The following SPATA33 variants were observed in gnomAD, a reference collection of about 807,000 sequenced individuals.
SPATA33 encodes spermatogenesis-associated protein 33.
In SPATA33, 10 loss-of-function variants were observed where a neutral mutation model predicts 8.9. The observed-to-expected ratio is 1.12, with a 90% CI of 0.69 to 1.90. SPATA33 has a LOEUF of 1.90. Ranked by LOEUF, SPATA33 falls within the 40% of genes most tolerant of loss-of-function variation. The pLI is 0.00. For missense variants in SPATA33, 241 were observed against 178.3 expected (o/e 1.35, Z -2.00); for synonymous variants, 96 against 72.8 (o/e 1.32, Z -1.63).
chr16:89,668,578 C>T (rs564414712), intron 2 of SPATA33, among the ~76,000 whole-genome samples: 14 of 150,354 alleles, frequency 9.3e-5, no homozygotes, highest in African/African-American at 3.4e-4. Context: ...AGGAAGGGGG[C>T]GGGCGGCTGT....
chr16:89,660,423 C>G (rs1321694224), intron 2 of SPATA33: 3 of 1,218,458 alleles, frequency 2.5e-6, no homozygotes, highest in Non-Finnish European at 3.1e-6. Context: ...AGGGCCCCAG[C>G]AGTGTCTGTC....
At chr16:89,660,965 C>T (rs962032475) in intron 2 of SPATA33, 1 of 1,006,622 alleles carries the variant, frequency 9.9e-7, no homozygotes, top group Admixed American at 5.9e-5. Context: ...CAGTGTCCAG[C>T]CCCAAGAGCT....
chr16:89,664,161 G>T (rs185093195), intron 2 of SPATA33, among the ~76,000 whole-genome samples: 3 of 152,266 alleles, frequency 2.0e-5, no homozygotes, highest in Admixed American at 2.0e-4. Context: ...TGAAGAATTT[G>T]ACTGCGTTAA....
At chr16:89,659,101 C>G (rs1274379852) in intron 2 of SPATA33, 2 of 152,364 alleles carry the variant, frequency 1.3e-5, no homozygotes, top group Non-Finnish European at 2.9e-5. Context: ...GAGTTCAAGA[C>G]CAGCTTGGGC....
At position 89,658,433 on chromosome 16, in the gene SPATA33, C is replaced by T. The variant is rs1273033718; in HGVS notation, c.211+12C>T. ...AGCTTCGCTGGAAGGTAGGAGACGG[C>T]GGGAGGGAGCGAAGCGAGGTCAGTG... On this transcript the variant is annotated intron_variant, in intron 2 of 2. Coordinates refer to ENST00000579310, the MANE Select transcript of SPATA33 (RefSeq NM_001271907.2). The T allele has an allele frequency of 6.3e-7, 1 of 1,591,298 alleles. No individual in the cohort carries two copies. The highest frequency in any genetic ancestry group is 8.5e-7 in the Non-Finnish European group (1 of 1,169,782).
Position 89,670,199 on chromosome 16 carries a change from A to G in SPATA33, c.*702A>G. The G allele has an allele frequency of 7.7e-6, 1 of 129,252 alleles. No homozygotes were observed. Among genetic ancestry groups the G allele is most frequent in the Non-Finnish European group, 1.6e-5 (1 of 61,870 alleles). The allele number at this position is 129,252 out of a possible 1,614,324, so 8.0% of individuals were successfully genotyped here. A position where few individuals can be genotyped will look rare whatever the true frequency, so the allele number is the denominator to read the frequency against. On this transcript the variant is annotated 3_prime_UTR_variant, in exon 3 of 3. Transcript: ENST00000579310. ...GCCTGCCCCCGCCTTGAGAAACTGC[A>G]GCCCCCTTCTCCAGTGCTCTGGGGG...
chr16:89,664,623 C>G (rs893864960), intron 2 of SPATA33, among the ~76,000 whole-genome samples: 1 of 149,062 alleles, frequency 6.7e-6, no homozygotes, highest in African/African-American at 2.5e-5. Context: ...AGGGCCCGAC[C>G]TGATCAGGGA....
At chr16:89,658,500 AC>A in intron 2 of SPATA33, 79 bp downstream of exon 2, 1 of 1,506,358 alleles carries the variant, frequency 6.6e-7, no homozygotes, top group African/African-American at 1.4e-5. Context: ...CTACTGTAAG[AC>A]CCTACCGGAT....
At chr16:89,660,656 G>A in intron 2 of SPATA33, 1 of 913,996 alleles carries the variant, frequency 1.1e-6, no homozygotes, top group Non-Finnish European at 1.4e-6. Flanking sequence ...TCATGTTGCA[G>A]TTCCCTTTCC....
chr16:89,658,313 C>T lies in SPATA33; in HGVS notation c.103C>T (p.His35Tyr), dbSNP rs770080204. The change falls in exon 2 of 3, where the codon CAT becomes TAT. Residue 35 changes from histidine (H) to tyrosine (Y), a missense_variant. Transcript: ENST00000579310. ...ATCTAAGGAGAAGTTGATGGAGAAG[C>T]ATTCCCAGGAAGCCAGGCAGGCAGA... ...PKSKEKLMEK[H>Y]SQEARQADRE... is the part of the protein sequence containing the mutation. 2.4e-5 allele frequency: 39 copies of T among 1,614,054 alleles called. No individual in the cohort carries two copies. Among genetic ancestry groups the T allele is most frequent in the Non-Finnish European group, 3.1e-5 (37 of 1,180,050 alleles).
chr16:89,663,840 C>T (rs142957257), intron 2 of SPATA33, among the ~76,000 whole-genome samples: 20 of 152,272 alleles, frequency 1.3e-4, no homozygotes, highest in African/African-American at 4.3e-4. Flanking sequence ...CTTTGGGAGC[C>T]AAGCACAGTG....
intron 2 of SPATA33, among the ~76,000 whole-genome samples, chr16:89,663,709 G>A (rs1301186102): frequency 6.6e-6 from 1 of 152,146 alleles, no homozygotes; most frequent in Non-Finnish European, 1.5e-5. Flanking sequence ...GGCAGCAGGA[G>A]GAAGATGGGA....
chr16:89,663,763 TACAC>T (rs2151530057), intron 2 of SPATA33, among the ~76,000 whole-genome samples: 1 of 152,202 alleles, frequency 6.6e-6, no homozygotes, highest in Non-Finnish European at 1.5e-5. Flanking sequence ...TAGCTGTACA[TACAC>T]TCATAGTACC....
chr16:89,660,360 G>A, intron 2 of SPATA33: 1 of 702,342 alleles, frequency 1.4e-6, no homozygotes, highest in Non-Finnish European at 2.0e-6. Context: ...GCATGGGAGT[G>A]GGCAGGACCT....
intron 2 of SPATA33, among the ~76,000 whole-genome samples, chr16:89,663,514 G>A (rs2059989433): frequency 6.6e-6 from 1 of 152,148 alleles, no homozygotes; most frequent in Admixed American, 6.6e-5. Context: ...TGAAATGCTA[G>A]GATTACAGGC....
At chr16:89,662,589 A>G (rs917715228) in intron 2 of SPATA33, among the ~76,000 whole-genome samples, 2 of 151,642 alleles carry the variant, frequency 1.3e-5, no homozygotes, top group South Asian at 2.1e-4. Flanking sequence ...ACGCCCAGCT[A>G]ATTTTTTTTG....
intron 2 of SPATA33, chr16:89,660,398 G>T: frequency 8.8e-7 from 1 of 1,130,692 alleles, no homozygotes; most frequent in Non-Finnish European, 1.1e-6. Flanking sequence ...GGGGGAAGGA[G>T]GACCGCCTGT....
intron 2 of SPATA33, among the ~76,000 whole-genome samples, chr16:89,663,825 G>A (rs1157339953): frequency 6.6e-6 from 1 of 152,096 alleles, no homozygotes; most frequent in Admixed American, 6.6e-5. Flanking sequence ...TATATAAAAC[G>A]TTCGCTTTGG....
chr16:89,664,180 A>G (rs1347555833), intron 2 of SPATA33, among the ~76,000 whole-genome samples: 1 of 152,114 alleles, frequency 6.6e-6, no homozygotes, highest in African/African-American at 2.4e-5. Flanking sequence ...AAAATGTTAA[A>G]CCTCTCCCCA....
Sources: allele counts gnomAD v4.1 joint callset (sites outside exome capture counted in the v4.1 genomes callset), GRCh38; gene constraint gnomAD v4.1.1; transcripts MANE v1.5; gene names NCBI Gene and HGNC (gene_info 2026-07-23, HGNC 2026-07-21).